IL1RAPL2: variants seen among roughly 807,000 people sequenced by gnomAD.
IL1RAPL2 encodes interleukin 1 receptor accessory protein like 2, also known as X-linked interleukin-1 receptor accessory protein-like 2.
In IL1RAPL2, 3 loss-of-function variants were observed where a neutral mutation model predicts 44.1. The ratio of observed to expected loss-of-function variants is 0.07; its 90% CI spans 0.03 to 0.18. The LOEUF (loss-of-function observed/expected upper bound fraction) is 0.18. Ranked by LOEUF, IL1RAPL2 falls within the 10% of genes least tolerant of loss-of-function variation. The pLI is 1.00. For missense variants in IL1RAPL2, 391 were observed against 496.4 expected, an observed-to-expected ratio of 0.79 and a Z score of 2.02; for synonymous variants, 181 against 178.8, an observed-to-expected ratio of 1.01 and a Z score of -0.10.
At position 105,055,705 on chromosome X, in the gene IL1RAPL2, A is replaced by G. The variant is rs188197796; in HGVS notation, c.83-139770A>G. ...GGATTTGTCTGTGAATTTGATGTAC[A>G]GTCAAATGCAAAATCTTATTCTTTA... On this transcript the variant is annotated intron_variant, in intron 2 of 10. Coordinates refer to ENST00000372582, the MANE Select transcript of IL1RAPL2 (RefSeq NM_017416.2). Among the ~76,000 whole-genome samples, 838 of 112,032 alleles carry G rather than the reference A, an allele frequency of 7.5e-3. 3 individuals are homozygous for G. The highest frequency in any genetic ancestry group is 0.019 in the Middle Eastern group (4 of 215).
intron 2 of IL1RAPL2, among the ~76,000 whole-genome samples, chrX:104,841,538 G>A (rs1921901846): frequency 9.0e-6 from 1 of 111,566 alleles, no homozygotes; most frequent in South Asian, 3.7e-4. Flanking sequence ...GTTTTTTCCT[G>A]TCCATATTTA....
At chrX:105,592,876 TG>T (rs777745975) in intron 6 of IL1RAPL2, among the ~76,000 whole-genome samples, 2 of 112,073 alleles carry the variant, frequency 1.8e-5, no homozygotes, top group South Asian at 7.4e-4. Flanking sequence ...TCTTTCATGT[TG>T]ACCTTGGAGA....
chrX:104,585,353 T>TATATATTATATA (rs1491154093), intron 1 of IL1RAPL2, among the ~76,000 whole-genome samples: 4,663 of 19,381 alleles, frequency 0.24, 795 homozygotes, highest in East Asian at 0.37. Flanking sequence ...TTATATATAT[T>TATATATTATATA]ATATATATTA....
At chrX:104,972,227 A>G (rs1403276365) in intron 2 of IL1RAPL2, among the ~76,000 whole-genome samples, 5 of 111,891 alleles carry the variant, frequency 4.5e-5, no homozygotes, top group Admixed American at 1.9e-4. Context: ...CTCACTCTCA[A>G]GTGGAATCCC....
intron 2 of IL1RAPL2, among the ~76,000 whole-genome samples, chrX:105,065,435 G>T (rs1025111874): frequency 1.8e-5 from 2 of 111,591 alleles, no homozygotes; most frequent in Admixed American, 9.5e-5. Flanking sequence ...AAAAGCACTA[G>T]TTTCTCCCTC....
chrX:105,262,507 A>G (rs2034367226), intron 4 of IL1RAPL2, among the ~76,000 whole-genome samples: 1 of 112,014 alleles, frequency 8.9e-6, no homozygotes, highest in South Asian at 3.7e-4. Context: ...GCATTTACAT[A>G]TATCACCTCA....
In IL1RAPL2 at chrX:105,114,668, C is replaced by T. The variant is rs373386777; in HGVS notation, c.83-80807C>T. Among the ~76,000 whole-genome samples the T allele has an allele frequency of 1.7e-4, 19 of 111,917 alleles. No individual in the cohort carries two copies. The East Asian group carries it at 2.5e-3, about 15-fold the overall frequency. On this transcript the variant is annotated intron_variant, in intron 2 of 10. Transcript: ENST00000372582. ...GGGAAATCCTTCCCCAAAAACTTTA[C>T]TAATGGCTAGGCTGGGAATTTACAG...
chrX:105,360,216 T>A (rs1396132467), intron 5 of IL1RAPL2, among the ~76,000 whole-genome samples: 1 of 111,789 alleles, frequency 8.9e-6, no homozygotes, highest in African/African-American at 3.3e-5. Context: ...ATGGGAATAC[T>A]ATATGAGACC....
intron 1 of IL1RAPL2, among the ~76,000 whole-genome samples, chrX:104,640,699 CTT>C (rs1929916406): frequency 2.7e-5 from 3 of 112,082 alleles, no homozygotes; most frequent in Admixed American, 9.4e-5. Context: ...GGGGAGGACT[CTT>C]TGGCTTTGAT....
At chrX:105,615,986 T>C (rs1045194715) in intron 6 of IL1RAPL2, among the ~76,000 whole-genome samples, 3 of 111,034 alleles carry the variant, frequency 2.7e-5, no homozygotes, top group Non-Finnish European at 5.7e-5. Flanking sequence ...TAAAATTAAA[T>C]TAAAAGTGAA....
Position 105,382,447 on chromosome X carries a change from G to A in IL1RAPL2, c.698-101866G>A, listed in dbSNP as rs373932228. Among the ~76,000 whole-genome samples, 8 of 108,412 alleles carry A rather than the reference G, an allele frequency of 7.4e-5. No homozygotes were observed. In the South Asian group the frequency reaches 1.2e-3, roughly 16 times the overall value. The allele number at this position is 108,412 out of a possible 115,157, so 94.1% of individuals were successfully genotyped here. ...ACCACTTCACACCAGTTAGAATGGC[G>A]ATCATTAAAAAGTCAGGAAACAACA... On this transcript the variant is annotated intron_variant, in intron 5 of 10. Coordinates refer to ENST00000372582, the MANE Select transcript of IL1RAPL2 (RefSeq NM_017416.2).
intron 5 of IL1RAPL2, among the ~76,000 whole-genome samples, chrX:105,388,110 T>C (rs1429925161): frequency 1.2e-5 from 1 of 81,070 alleles, no homozygotes; most frequent in African/African-American, 5.1e-5. Context: ...ATCTCGCCAT[T>C]GCACTCCAGC....
intron 2 of IL1RAPL2, among the ~76,000 whole-genome samples, chrX:105,098,558 G>T (rs1230650622): frequency 1.8e-5 from 2 of 112,305 alleles, no homozygotes; most frequent in African/African-American, 6.5e-5. Flanking sequence ...CTCTGATCTT[G>T]TATTCCCAAA....
intron 5 of IL1RAPL2, among the ~76,000 whole-genome samples, chrX:105,284,453 ACC>A (rs1196051873): frequency 8.9e-6 from 1 of 111,743 alleles, no homozygotes; most frequent in Non-Finnish European, 1.9e-5. Context: ...CTGTTGGGAT[ACC>A]CATCACTTGT....
At chrX:105,541,610 C>A (rs936451362) in intron 6 of IL1RAPL2, among the ~76,000 whole-genome samples, 1 of 110,542 alleles carries the variant, frequency 9.0e-6, no homozygotes, top group Non-Finnish European at 1.9e-5. Flanking sequence ...ATTATCAAAT[C>A]CTCCTTTCTG....
chrX:104,696,043 A>G (rs1184426625), intron 2 of IL1RAPL2, among the ~76,000 whole-genome samples: 2 of 111,398 alleles, frequency 1.8e-5, no homozygotes, highest in Non-Finnish European at 3.8e-5. Flanking sequence ...CCTGACCTCA[A>G]GTGATCCGCC....
chrX:104,913,338 T>C (rs916272019), intron 2 of IL1RAPL2, among the ~76,000 whole-genome samples: 7 of 111,515 alleles, frequency 6.3e-5, no homozygotes, highest in Non-Finnish European at 1.9e-5. Context: ...ACATTCAGAA[T>C]TGGGAGTAGG....
chrX:104,892,190 G>A (rs1426363316), intron 2 of IL1RAPL2, among the ~76,000 whole-genome samples: 2 of 111,282 alleles, frequency 1.8e-5, no homozygotes, highest in African/African-American at 3.3e-5. Context: ...TGCTGGATTC[G>A]GTTTGCCAGT....
chrX:104,705,513 T>TTAAGAA (rs1369021007), intron 2 of IL1RAPL2, among the ~76,000 whole-genome samples: 3 of 111,222 alleles, frequency 2.7e-5, no homozygotes, highest in African/African-American at 6.5e-5. Context: ...ATCAGCTGAA[T>TTAAGAA]AAACTTAAGG....
Sources: allele counts gnomAD v4.1 joint callset (sites outside exome capture counted in the v4.1 genomes callset), GRCh38; gene constraint gnomAD v4.1.1; transcripts MANE v1.5; gene names NCBI Gene and HGNC (gene_info 2026-07-23, HGNC 2026-07-21).